The following VPS26C variants were observed in gnomAD, a reference collection of about 807,000 sequenced individuals.
VPS26C encodes vacuolar protein sorting-associated protein 26C.
In VPS26C, 19 loss-of-function variants were observed where a neutral mutation model predicts 30.6. That is an observed-to-expected ratio of 0.62 (90% CI 0.43 to 0.91). VPS26C has a LOEUF of 0.91. VPS26C is among the 40% of genes least tolerant of loss of function. VPS26C has a pLI of 0.00. For synonymous variants in VPS26C, 132 were observed against 151.5 expected, an observed-to-expected ratio of 0.87 and a Z score of 0.95; for missense variants, 318 against 385.1, an observed-to-expected ratio of 0.83 and a Z score of 1.46.
intron 1 of VPS26C, among the ~76,000 whole-genome samples, chr21:37,242,149 T>C (rs1293547389): frequency 6.6e-6 from 1 of 152,250 alleles, no homozygotes; most frequent in Non-Finnish European, 1.5e-5. Flanking sequence ...ACTGTGTTTG[T>C]TTCAATGTTA....
intron 1 of VPS26C, among the ~76,000 whole-genome samples, chr21:37,241,093 G>T (rs997156689): frequency 1.3e-5 from 2 of 152,230 alleles, no homozygotes; most frequent in Non-Finnish European, 2.9e-5. Flanking sequence ...TAAAATGACA[G>T]CACAACTGCA....
intron 1 of VPS26C, among the ~76,000 whole-genome samples, chr21:37,254,521 A>C (rs561985189): frequency 7.9e-5 from 12 of 152,190 alleles, no homozygotes; most frequent in African/African-American, 2.6e-4. Flanking sequence ...AAAGAAAGAA[A>C]GAGCTCAGGC....
chr21:37,267,090 C>A, intron 1 of VPS26C, 148 bp downstream of exon 1: 9 of 770,148 alleles, frequency 1.2e-5, no homozygotes, highest in East Asian at 1.1e-4. Flanking sequence ...ACGCACCTGG[C>A]GGGAACGCAC....
rs1171099839 is a variant in VPS26C, at chr21:37,233,529, A to G, written c.352-87T>C. The stretch of plus-strand genomic sequence containing the variant: ...TATATTCAAAGAGACAAGTCAGTCA[A>G]CATATTTTAGGGAAATGTTGTACAA... On this transcript the variant is annotated intron_variant, in intron 3 of 7. Transcript: ENST00000309117. This position sits in a 1 kb window ranked among gnomAD's most constrained non-coding sequence, Gnocchi z 5.2. The G allele has an allele frequency of 1.0e-6, 1 of 976,544 alleles. No homozygotes were observed. Among genetic ancestry groups the G allele is most frequent in the Admixed American group, 1.8e-5 (1 of 54,550 alleles). The allele number at this position is 976,544 out of a possible 1,614,324, so 60.5% of individuals were successfully genotyped here.
At chr21:37,238,921 A>G (rs895600774) in intron 2 of VPS26C, among the ~76,000 whole-genome samples, 3 of 152,206 alleles carry the variant, frequency 2.0e-5, no homozygotes, top group Non-Finnish European at 4.4e-5. Context: ...CTTCAGGATC[A>G]AGAAGCAGAC....
At chr21:37,240,388 T>C in intron 2 of VPS26C, 108 bp downstream of exon 2, 1 of 1,303,120 alleles carries the variant, frequency 7.7e-7, no homozygotes, top group East Asian at 2.4e-5. Context: ...GCCTCCCAAA[T>C]TACTGAGATT....
chr21:37,246,609 T>C lies in VPS26C; in HGVS notation c.58-5970A>G, dbSNP rs73903513. On this transcript the variant is annotated intron_variant, in intron 1 of 7. Coordinates refer to ENST00000309117, the MANE Select transcript of VPS26C (RefSeq NM_006052.2). The stretch of plus-strand genomic sequence containing the variant: ...AGACTGAGATAAGTGATGATTATAA[T>C]GAAAGAAGAGAATGCAAAATATAAG... 6.4e-3 allele frequency among the ~76,000 whole-genome samples: 972 copies of C among 152,266 alleles called. 10 individuals are homozygous for C. Among genetic ancestry groups the C allele is most frequent in the African/African-American group, 0.022 (908 of 41,548 alleles).
chr21:37,250,156 T>C (rs752673269), intron 1 of VPS26C, among the ~76,000 whole-genome samples: 1 of 152,042 alleles, frequency 6.6e-6, no homozygotes, highest in Non-Finnish European at 1.5e-5. Context: ...ATACAAAAAA[T>C]TAGCCAGGCA....
intron 1 of VPS26C, among the ~76,000 whole-genome samples, chr21:37,264,000 A>G (rs557601736): frequency 6.6e-6 from 1 of 152,296 alleles, no homozygotes. Flanking sequence ...CCAGACAGCA[A>G]GGATCCTGCT....
intron 5 of VPS26C, among the ~76,000 whole-genome samples, chr21:37,231,294 C>T (rs978197683): frequency 5.3e-5 from 8 of 152,330 alleles, no homozygotes; most frequent in East Asian, 3.9e-4. Flanking sequence ...CCACTGCGTC[C>T]GTCATGGAAG....
intron 1 of VPS26C, chr21:37,266,709 C>A: frequency 6.5e-6 from 1 of 154,064 alleles, no homozygotes; most frequent in Non-Finnish European, 1.4e-5. Flanking sequence ...AAGAATAAAA[C>A]CAGAAAAAGC....
chr21:37,258,401 G>T (rs1199733378), intron 1 of VPS26C, among the ~76,000 whole-genome samples: 1 of 152,190 alleles, frequency 6.6e-6, no homozygotes, highest in Non-Finnish European at 1.5e-5. Context: ...AACATGCGAT[G>T]TGACGTGTTA....
intron 1 of VPS26C, chr21:37,261,033 T>C (rs2086298555): frequency 6.6e-6 from 1 of 152,216 alleles, no homozygotes; most frequent in Admixed American, 6.5e-5. Flanking sequence ...AATAAAGTTT[T>C]TGAGCACCTA....
In VPS26C at chr21:37,223,595, A is replaced by G. The variant is rs1379905412; in HGVS notation, c.*1949T>C. The G allele has an allele frequency of 6.6e-6, 1 of 152,220 alleles. No individual in the cohort carries two copies. Among genetic ancestry groups the G allele is most frequent in the Non-Finnish European group, 1.5e-5 (1 of 68,034 alleles). The allele number at this position is 152,220 out of a possible 1,614,324, so 9.4% of individuals were successfully genotyped here. ...CCTCTGTTTTCTGCTACTCAGTTTA[A>G]ACACATCATCAAGGATAGATAATTA... On this transcript the variant is annotated 3_prime_UTR_variant, in exon 8 of 8. Transcript: ENST00000309117.
chr21:37,232,109 A>G, intron 5 of VPS26C: 1 of 448,096 alleles, frequency 2.2e-6, no homozygotes. Context: ...TTGGGGGCCC[A>G]TGATGCAGTA....
Position 37,232,096 on chromosome 21 carries a change from G to T in VPS26C, c.507+281C>A, listed in dbSNP as rs1344277488. 8 of 430,288 alleles carry T rather than the reference G, an allele frequency of 1.9e-5. No individual in the cohort carries two copies. The East Asian group carries it at 1.9e-4, about 10-fold the overall frequency. The allele number at this position is 430,288 out of a possible 1,614,324, so 26.7% of individuals were successfully genotyped here. A position where few individuals can be genotyped will look rare whatever the true frequency, so the allele number is the denominator to read the frequency against. ...GTGGCCGTGTCATGGGCAGCAGGGG[G>T]TCTTGGGGGCCCATGATGCAGTAAA... On this transcript the variant is annotated intron_variant, in intron 5 of 7. Coordinates refer to ENST00000309117, the MANE Select transcript of VPS26C (RefSeq NM_006052.2).
chr21:37,233,435 A>G lies in VPS26C; in HGVS notation c.359T>C (p.Leu120Pro). 1.2e-6 allele frequency: 2 copies of G among 1,613,970 alleles called. No homozygotes were observed. Among genetic ancestry groups the G allele is most frequent in the South Asian group, 1.1e-5 (1 of 91,088 alleles). ...HGVFVNIQYT[L>P]RCDMKRSLLA... ...CAGAGACCGCTTCATGTCACAGCGC[A>G]GTGTATACTAAAGGGGAGAGTTGGA... is the stretch of plus-strand genomic sequence containing the variant. The change falls in exon 4 of 8, where the codon CTG becomes CCG. Residue 120 changes from leucine (L) to proline (P), a missense_variant. Coordinates refer to ENST00000309117, the MANE Select transcript of VPS26C (RefSeq NM_006052.2). The surrounding 1 kb of genome is among the most constrained non-coding windows in gnomAD (Gnocchi z 5.2).
At chr21:37,267,547 T>C (rs1020032463), upstream of VPS26C, 2 of 555,030 alleles carry the variant, frequency 3.6e-6, no homozygotes, top group Admixed American at 7.0e-5. Flanking sequence ...CCTCTGGGCG[T>C]GAAAGACGGG....
chr21:37,225,792 T>A (rs142112981), intron 7 of VPS26C, 166 bp from the exon 8 acceptor site: 1 of 33,382 alleles, frequency 3.0e-5, no homozygotes, highest in Non-Finnish European at 4.1e-5. Context: ...AGCCAAACTT[T>A]CAGTGGAGAT....
Sources: gnomAD v4.1 joint callset for allele counts (sites outside exome capture counted in the v4.1 genomes callset) on GRCh38, gnomAD v4.1.1 for gene constraint, Gnocchi (gnomAD v3.1) non-coding constraint, MANE v1.5 for transcripts, NCBI Gene and HGNC (gene_info 2026-07-23, HGNC 2026-07-21) for gene names.